The following PHACTR3 variants were observed in gnomAD, a reference collection of about 807,000 sequenced individuals.
PHACTR3 encodes protein phosphatase 1, regulatory subunit 123.
A neutral mutation model predicts 66.8 loss-of-function variants in PHACTR3; 16 were observed. The observed-to-expected ratio is 0.24, with a 90% CI of 0.16 to 0.36. PHACTR3 has a LOEUF of 0.36. Ranked by LOEUF, PHACTR3 falls within the 10% of genes least tolerant of loss-of-function variation. PHACTR3 has a pLI of 1.00. For synonymous variants in PHACTR3, 323 were observed against 292.1 expected (o/e 1.11, Z -1.08); for missense variants, 647 against 719.9 (o/e 0.90, Z 1.16).
chr20:59,711,288 T>A (rs2037906067), intron 1 of PHACTR3, among the ~76,000 whole-genome samples: 1 of 152,234 alleles, frequency 6.6e-6, no homozygotes. Context: ...TCTCTGATTA[T>A]GTATGTAGAA....
chr20:59,800,947 C>G lies in PHACTR3; in HGVS notation c.1175-5094C>G, dbSNP rs1184735. ...GTGTACTCTATTCAATGTCTGTACACCATGAAGTTTTCTGTCTGGCTGATG... is the reference window on the plus strand; with the variant it reads ...GTGTACTCTATTCAATGTCTGTACAGCATGAAGTTTTCTGTCTGGCTGATG... On this transcript the variant is annotated intron_variant, in intron 7 of 12. Transcript: ENST00000371015. Among the ~76,000 whole-genome samples, 353 of 152,212 alleles carry G rather than the reference C, an allele frequency of 2.3e-3. 4 individuals carry two copies. The highest frequency in any genetic ancestry group is 8.4e-3 in the African/African-American group (349 of 41,492).
chr20:59,750,681 G>A (rs1484619004), intron 3 of PHACTR3, among the ~76,000 whole-genome samples: 1 of 152,258 alleles, frequency 6.6e-6, no homozygotes, highest in African/African-American at 2.4e-5. Context: ...AGTGCGAGTG[G>A]GTGGGATCTG....
intron 1 of PHACTR3, among the ~76,000 whole-genome samples, chr20:59,584,694 C>T (rs1022731692): frequency 2.0e-5 from 3 of 152,120 alleles, no homozygotes; most frequent in Non-Finnish European, 4.4e-5. Context: ...CTAAGCCAGG[C>T]CTCCACCTTC....
At chr20:59,702,228 C>G (rs2037532042) in intron 1 of PHACTR3, among the ~76,000 whole-genome samples, 1 of 152,128 alleles carries the variant, frequency 6.6e-6, no homozygotes, top group South Asian at 2.1e-4. Context: ...CAGATGTGCT[C>G]CTGACCTGGA....
Position 59,589,149 on chromosome 20 carries a change from C to T in PHACTR3, c.109+11532C>T, listed in dbSNP as rs1347413125. On this transcript the variant is annotated intron_variant, in intron 1 of 12. Coordinates refer to the PHACTR3 transcript ENST00000359926. ...TACCAGGGTAATCTTTGTTACACCC[C>T]AAGTTGCGGGACGGCAGAGCCCTCT... is the stretch of plus-strand genomic sequence containing the variant. Among the ~76,000 whole-genome samples, 3 of 152,334 alleles carry T rather than the reference C, an allele frequency of 2.0e-5. No homozygotes were observed. In the East Asian group the frequency reaches 5.8e-4, roughly 29 times the overall value.
At chr20:59,698,521 A>G (rs1298974866) in intron 1 of PHACTR3, among the ~76,000 whole-genome samples, 4 of 152,220 alleles carry the variant, frequency 2.6e-5, no homozygotes, top group African/African-American at 2.4e-5. Context: ...GATAGCTTCA[A>G]TACCCTCCAG....
In PHACTR3 at chr20:59,834,333, G is replaced by A. The variant is rs377050781; in HGVS notation, c.1329-2172G>A. On this transcript the variant is annotated intron_variant, in intron 8 of 12. Coordinates refer to ENST00000371015, the MANE Select transcript of PHACTR3 (RefSeq NM_080672.5). ...GCTTGTTCCTGCTTTTCCTATGGTG[G>A]TCTGCCCCACCATTATTCACACACA... is the stretch of plus-strand genomic sequence containing the variant. 2.5e-4 allele frequency among the ~76,000 whole-genome samples: 38 copies of A among 152,250 alleles called. No homozygotes were observed. In the East Asian group the frequency reaches 3.3e-3, roughly 13 times the overall value.
intron 7 of PHACTR3, among the ~76,000 whole-genome samples, chr20:59,777,428 G>T (rs533166343): frequency 2.1e-3 from 312 of 152,140 alleles, no homozygotes; most frequent in Non-Finnish European, 3.6e-3. Context: ...TCTGGGATTT[G>T]ACCCACAAAG....
Position 59,592,800 on chromosome 20 carries a change from TC to T in PHACTR3, c.109+15185del, listed in dbSNP as rs543346200. Among the ~76,000 whole-genome samples, 571 of 152,182 alleles carry T rather than the reference TC, an allele frequency of 3.8e-3. 2 individuals are homozygous for T. Among genetic ancestry groups the T allele is most frequent in the Non-Finnish European group, 6.2e-3 (420 of 68,014 alleles). On this transcript the variant is annotated intron_variant, in intron 1 of 12. Coordinates refer to the PHACTR3 transcript ENST00000359926. Reference sequence around the variant, plus strand: ...TCACTGAGCAATATGCATTTACATTTCCTCCATATAATTTCTTGGCTTTATA... The same window carrying T: ...TCACTGAGCAATATGCATTTACATTTCTCCATATAATTTCTTGGCTTTATA...
rs2059057236 is a variant in PHACTR3 at position 59,841,319 on chromosome 20, AG to A, written c.1447-75del. 2.1e-6 allele frequency: 3 copies of A among 1,402,222 alleles called. No individual in the cohort carries two copies. In the South Asian group the frequency reaches 4.5e-5, roughly 21 times the overall value. 86.9% of individuals were successfully genotyped at this position (1,402,222 alleles called of 1,614,324 possible). On this transcript the variant is annotated intron_variant, in intron 10 of 12. Coordinates refer to ENST00000371015, the MANE Select transcript of PHACTR3 (RefSeq NM_080672.5). The stretch of plus-strand genomic sequence containing the variant: ...TTGTTTTGTTTTGTTTTTTAAGAGA[AG>A]TGCTGTTTGTTCAGAGTACTTCAAA...
rs763705365 is a variant in PHACTR3, at chr20:59,738,153, C to A, written c.119-4954C>A. Among the ~76,000 whole-genome samples the A allele has an allele frequency of 1.3e-4, 20 of 152,070 alleles. No homozygotes were observed. Among genetic ancestry groups the A allele is most frequent in the Admixed American group, 2.0e-4 (3 of 15,276 alleles). Reference sequence around the variant, plus strand: ...AGCAAGAAGGAGACACCATACCCCCCAGCAAGGCCCTGGCAAAGGGGATGC... The same window carrying A: ...AGCAAGAAGGAGACACCATACCCCCAAGCAAGGCCCTGGCAAAGGGGATGC... On this transcript the variant is annotated intron_variant, in intron 1 of 12. Coordinates refer to ENST00000371015, the MANE Select transcript of PHACTR3 (RefSeq NM_080672.5). This position sits in a 1 kb window ranked among gnomAD's most constrained non-coding sequence, Gnocchi z 4.4.
intron 1 of PHACTR3, among the ~76,000 whole-genome samples, chr20:59,721,814 C>T (rs1003900182): frequency 3.9e-5 from 6 of 152,180 alleles, no homozygotes. Flanking sequence ...GCCCCTGCTG[C>T]TCTGTGGGCA....
chr20:59,585,366 G>A (rs1206902684), intron 1 of PHACTR3, among the ~76,000 whole-genome samples: 1 of 152,204 alleles, frequency 6.6e-6, no homozygotes, highest in African/African-American at 2.4e-5. Flanking sequence ...ACTCTCAGAT[G>A]CTTGTGCCTG....
At chr20:59,743,963 G>A (rs1432667560) in intron 2 of PHACTR3, among the ~76,000 whole-genome samples, 2 of 152,198 alleles carry the variant, frequency 1.3e-5, no homozygotes, top group Non-Finnish European at 2.9e-5. Flanking sequence ...TGTGGGAAGC[G>A]GGATTGCGAT....
intron 3 of PHACTR3, among the ~76,000 whole-genome samples, chr20:59,753,803 G>T (rs2039684326): frequency 6.6e-6 from 1 of 152,214 alleles, no homozygotes. Context: ...TATACTGTTT[G>T]TCCAAACAGG....
At chr20:59,834,634 G>C (rs1224222705) in intron 8 of PHACTR3, among the ~76,000 whole-genome samples, 1 of 152,188 alleles carries the variant, frequency 6.6e-6, no homozygotes, top group Non-Finnish European at 1.5e-5. Context: ...AGCCCAGTGT[G>C]TGAACAGTTA....
upstream of PHACTR3, among the ~76,000 whole-genome samples, chr20:59,604,386 C>T (rs2033581855): frequency 6.6e-6 from 1 of 151,956 alleles, no homozygotes; most frequent in South Asian, 2.1e-4. Context: ...TCCAGCCCCT[C>T]CTCCCCCACC....
intron 1 of PHACTR3, among the ~76,000 whole-genome samples, chr20:59,660,799 A>G (rs1321921338): frequency 1.3e-5 from 2 of 152,258 alleles, no homozygotes; most frequent in Non-Finnish European, 2.9e-5. Context: ...GAGTTGTTTT[A>G]TGAAACATTT....
intron 1 of PHACTR3, among the ~76,000 whole-genome samples, chr20:59,727,454 G>C (rs551561343): frequency 1.5e-4 from 23 of 152,290 alleles, no homozygotes; most frequent in Middle Eastern, 3.4e-3. Flanking sequence ...CTTAGAGAAG[G>C]GATGGGGGAA....
Sources: gnomAD v4.1 joint callset for allele counts (sites outside exome capture counted in the v4.1 genomes callset) on GRCh38, gnomAD v4.1.1 for gene constraint, Gnocchi (gnomAD v3.1) non-coding constraint, MANE v1.5 for transcripts, NCBI Gene and HGNC (gene_info 2026-07-23, HGNC 2026-07-21) for gene names.